Variants in MYO1E observed in about 807,000 individuals in gnomAD.
The protein encoded by MYO1E is myosin IE, also known as unconventional myosin-Ie.
In MYO1E, 68 loss-of-function variants were observed where a neutral mutation model predicts 151.1. The ratio of observed to expected loss-of-function variants is 0.45; its 90% CI spans 0.37 to 0.55. The LOEUF is 0.55. Among genes scored for constraint, MYO1E ranks in the 20% least tolerant of loss-of-function variants. MYO1E has a pLI of 0.00. For synonymous variants in MYO1E, 601 were observed against 501.7 expected (o/e 1.20, Z -2.64); for missense variants, 1,363 against 1,389.3 (o/e 0.98, Z 0.30).
intron 1 of MYO1E, among the ~76,000 whole-genome samples, chr15:59,285,735 G>GAAA (rs2080384142): frequency 6.6e-6 from 1 of 152,100 alleles, no homozygotes; most frequent in Non-Finnish European, 1.5e-5. Flanking sequence ...AAATTTTTAA[G>GAAA]AAAAAGAAAA....
chr15:59,173,626 T>G, intron 21 of MYO1E, 120 bp downstream of exon 21: 1 of 1,268,276 alleles, frequency 7.9e-7, no homozygotes. Context: ...TACTGTATTT[T>G]CTCTAAATTT....
At chr15:59,294,860 G>A (rs2080440003) in intron 1 of MYO1E, among the ~76,000 whole-genome samples, 1 of 152,114 alleles carries the variant, frequency 6.6e-6, no homozygotes, top group Non-Finnish European at 1.5e-5. Flanking sequence ...CTGCATCTTA[G>A]TCCATGATGT....
At chr15:59,360,397 TC>T (rs756866541) in intron 1 of MYO1E, among the ~76,000 whole-genome samples, 6 of 152,148 alleles carry the variant, frequency 3.9e-5, no homozygotes, top group Admixed American at 6.6e-5. Flanking sequence ...GGAATGTCTT[TC>T]TTCACATGGA....
At chr15:59,197,853 A>T (rs1452492714) in intron 16 of MYO1E, among the ~76,000 whole-genome samples, 1 of 152,218 alleles carries the variant, frequency 6.6e-6, no homozygotes, top group Non-Finnish European at 1.5e-5. Flanking sequence ...GCTATGGGTC[A>T]ACTTTATTTA....
At chr15:59,304,633 G>T (rs1186838383) in intron 1 of MYO1E, among the ~76,000 whole-genome samples, 1 of 152,060 alleles carries the variant, frequency 6.6e-6, no homozygotes, top group African/African-American at 2.4e-5. Context: ...TTTTCAAGGG[G>T]GCTCTGCTGA....
Position 59,208,781 on chromosome 15 carries a change from G to GC in MYO1E, c.1429dup (p.Ala477GlyfsTer17). The GC allele has an allele frequency of 6.2e-7, 1 of 1,614,194 alleles. No individual in the cohort carries two copies. Among genetic ancestry groups the GC allele is most frequent in the South Asian group, 1.1e-5 (1 of 91,066 alleles). On this transcript the variant is annotated frameshift_variant, in exon 14 of 28. Transcript: ENST00000288235. LOFTEE classifies it high-confidence loss of function. Reference sequence around the variant, plus strand: ...AAGTTTCTGGAGCAGCGTCTGATCTGCCCCCTCACCCACCGCATGCATCGT... The same window carrying GC: ...AAGTTTCTGGAGCAGCGTCTGATCTGCCCCCCTCACCCACCGCATGCATCGT...
chr15:59,135,742 T>G lies in MYO1E; in HGVS notation c.*1638A>C, dbSNP rs1369470888. ...CCCTGATAATTTTTTCCCATGGACT[T>G]GAGGATCCTGAAAGCCTCAAAGGTG... is the stretch of plus-strand genomic sequence containing the variant. On this transcript the variant is annotated 3_prime_UTR_variant, in exon 28 of 28. Coordinates refer to ENST00000288235, the MANE Select transcript of MYO1E (RefSeq NM_004998.4). The G allele has an allele frequency of 3.9e-5, 6 of 152,164 alleles. No homozygotes were observed. Among genetic ancestry groups the G allele is most frequent in the African/African-American group, 1.4e-4 (6 of 41,436 alleles). The allele number at this position is 152,164 out of a possible 1,614,324, so 9.4% of individuals were successfully genotyped here.
intron 2 of MYO1E, among the ~76,000 whole-genome samples, chr15:59,266,250 GA>G (rs542060166): frequency 1.3e-3 from 203 of 152,286 alleles, no homozygotes; most frequent in Non-Finnish European, 2.3e-3. Context: ...GTGCCTCTGG[GA>G]AAAGCCGTTC....
rs1370248240 is a variant in MYO1E at position 59,221,199 on chromosome 15, C to A, written c.910+1860G>T. Among the ~76,000 whole-genome samples, 5 of 151,746 alleles carry A rather than the reference C, an allele frequency of 3.3e-5. No individual in the cohort carries two copies. In the East Asian group the frequency reaches 9.7e-4, roughly 29 times the overall value. ...CTAATGTTTGTATTTTTAGTAGAGA[C>A]AGGATTTCACCATGTTGGCCAGGCT... On this transcript the variant is annotated intron_variant, in intron 9 of 27. Coordinates refer to ENST00000288235, the MANE Select transcript of MYO1E (RefSeq NM_004998.4).
At position 59,210,631 on chromosome 15, in the gene MYO1E, T is replaced by G. The variant is rs570297833; in HGVS notation, c.1276-31A>C. The G allele has an allele frequency of 5.8e-5, 86 of 1,471,326 alleles. 2 individuals carry two copies. In the South Asian group the frequency reaches 8.9e-4, roughly 15 times the overall value. The allele number at this position is 1,471,326 out of a possible 1,614,324, so 91.1% of individuals were successfully genotyped here. Reference sequence around the variant, plus strand: ...ACACAGAGACAAGGAACTCACATTATTTCCCAGATAGCAAGAGCTCTGCAC... The same window carrying G: ...ACACAGAGACAAGGAACTCACATTAGTTCCCAGATAGCAAGAGCTCTGCAC... On this transcript the variant is annotated intron_variant, in intron 12 of 27. Transcript: ENST00000288235.
intron 1 of MYO1E, among the ~76,000 whole-genome samples, chr15:59,278,370 A>G (rs943517811): frequency 5.9e-5 from 9 of 152,204 alleles, no homozygotes; most frequent in African/African-American, 2.2e-4. Context: ...TTGTTTTGTA[A>G]TGGGATTTTT....
chr15:59,218,886 C>T (rs918679830), intron 9 of MYO1E, among the ~76,000 whole-genome samples: 6 of 152,168 alleles, frequency 3.9e-5, no homozygotes, highest in African/African-American at 7.2e-5. Flanking sequence ...CAAGACGAGA[C>T]GGTCTACAGT....
intron 5 of MYO1E, among the ~76,000 whole-genome samples, chr15:59,235,422 T>C (rs2080056426): frequency 6.6e-6 from 1 of 151,076 alleles, no homozygotes; most frequent in South Asian, 2.1e-4. Flanking sequence ...AATGGCAGCA[T>C]ATATTACAAA....
At chr15:59,209,010 T>C (rs763246081) in intron 13 of MYO1E, 162 bp from the exon 14 acceptor site, 78 of 834,152 alleles carry the variant, frequency 9.4e-5, no homozygotes, top group Non-Finnish European at 1.3e-4. Flanking sequence ...TAGTCCCAAA[T>C]AGGGAGTCAC....
rs2079966084 is a variant in MYO1E at position 59,223,069 on chromosome 15, C to G, written c.900G>C (p.Glu300Asp). 1 of 1,614,096 alleles carries G rather than the reference C, an allele frequency of 6.2e-7. No individual in the cohort carries two copies. The highest frequency in any genetic ancestry group is 8.5e-7 in the Non-Finnish European group (1 of 1,180,040). The part of the protein sequence containing the change: ...FKEVGNYAAV[E>D]SEEFLAFPAY... ...GCCAGGGCTACGCACACTCTTCACT[C>G]TCCACAGCCGCGTAGTTGCCAACTT... is the stretch of plus-strand genomic sequence containing the variant. The change falls in exon 9 of 28, where the codon GAG (glutamate) becomes GAC (aspartate). Residue 300 changes from glutamate to aspartate, a missense_variant. Coordinates refer to ENST00000288235, the MANE Select transcript of MYO1E (RefSeq NM_004998.4).
rs72746830 is a variant in MYO1E, at chr15:59,224,599, C to G, written c.777+90G>C. ...AAAGAGGCGGACATTTCATGCAGCT[C>G]TTTGCTTTATTAACCTTCACTGCCC... On this transcript the variant is annotated intron_variant, in intron 8 of 27. Coordinates refer to ENST00000288235, the MANE Select transcript of MYO1E (RefSeq NM_004998.4). 0.019 allele frequency: 29,797 copies of G among 1,542,370 alleles called. 347 individuals are homozygous for G. Among genetic ancestry groups the G allele is most frequent in the Non-Finnish European group, 0.023 (25,780 of 1,118,182 alleles).
chr15:59,150,599 G>A (rs1171350792), intron 26 of MYO1E, among the ~76,000 whole-genome samples: 1 of 152,194 alleles, frequency 6.6e-6, no homozygotes, highest in Non-Finnish European at 1.5e-5. Flanking sequence ...GCCTAGGTGG[G>A]ATTGTGACTT....
chr15:59,236,363 A>AATATATAT (rs1344132868), intron 5 of MYO1E, among the ~76,000 whole-genome samples: 6 of 60,770 alleles, frequency 9.9e-5, no homozygotes, highest in East Asian at 1.4e-3. Flanking sequence ...AAAAAAAAAA[A>AATATATAT]ATATATACAC....
chr15:59,356,668 C>T (rs530281073), intron 1 of MYO1E, among the ~76,000 whole-genome samples: 1 of 152,262 alleles, frequency 6.6e-6, no homozygotes, highest in Non-Finnish European at 1.5e-5. Context: ...CCCTCTGCCT[C>T]CCGGGCTCCA....
Sources: gnomAD v4.1 joint callset for allele counts (sites outside exome capture counted in the v4.1 genomes callset) on GRCh38, gnomAD v4.1.1 for gene constraint, MANE v1.5 for transcripts, NCBI Gene and HGNC (gene_info 2026-07-23, HGNC 2026-07-21) for gene names.